ATP11C: variants seen among roughly 807,000 people sequenced by gnomAD.
ATP11C encodes the protein phospholipid-transporting ATPase IG.
ATP11C carries 36 observed loss-of-function variants against 97.4 expected under a neutral mutation model. The observed-to-expected ratio is 0.37, with a 90% CI of 0.28 to 0.49. The LOEUF (loss-of-function observed/expected upper bound fraction) is 0.49. ATP11C is among the 20% of genes least tolerant of loss of function. The pLI is 0.98. For synonymous variants in ATP11C, 275 were observed against 290.9 expected (o/e 0.95, Z 0.56); for missense variants, 730 against 824.6 (o/e 0.89, Z 1.40).
intron 1 of ATP11C, among the ~76,000 whole-genome samples, chrX:139,868,106 G>A (rs975481919): frequency 8.9e-6 from 1 of 111,863 alleles, no homozygotes; most frequent in Non-Finnish European, 1.9e-5. Context: ...ACATCCAAAG[G>A]AGTGAAACTG....
At chrX:139,789,117 C>T (rs2082637102) in intron 13 of ATP11C, among the ~76,000 whole-genome samples, 1 of 109,438 alleles carries the variant, frequency 9.1e-6, no homozygotes, top group African/African-American at 3.3e-5. Flanking sequence ...GCAGGAGAAT[C>T]GCTTGAACCT....
intron 1 of ATP11C, among the ~76,000 whole-genome samples, chrX:139,854,812 T>A (rs1376962073): frequency 8.9e-6 from 1 of 112,173 alleles, no homozygotes; most frequent in Non-Finnish European, 1.9e-5. Context: ...AAATTTGTTT[T>A]GAAGGTTTAA....
At chrX:139,758,614 A>G (rs1490552019) in intron 22 of ATP11C, among the ~76,000 whole-genome samples, 1 of 112,192 alleles carries the variant, frequency 8.9e-6, no homozygotes, top group Non-Finnish European at 1.9e-5. Flanking sequence ...ATAAGGTAGT[A>G]AAAGCTACTA....
intron 1 of ATP11C, among the ~76,000 whole-genome samples, chrX:139,910,361 C>T (rs1359933151): frequency 9.0e-6 from 1 of 110,889 alleles, no homozygotes; most frequent in Non-Finnish European, 1.9e-5. Flanking sequence ...AATCCCAGCA[C>T]TTTGGGAGGC....
intron 1 of ATP11C, among the ~76,000 whole-genome samples, chrX:139,837,477 G>A (rs1338187406): frequency 4.5e-5 from 5 of 112,302 alleles, no homozygotes; most frequent in Non-Finnish European, 9.4e-5. Flanking sequence ...TGACTGCAAT[G>A]CATTTCACTC....
intron 1 of ATP11C, among the ~76,000 whole-genome samples, chrX:139,860,564 T>C (rs2084171271): frequency 8.9e-6 from 1 of 111,942 alleles, no homozygotes; most frequent in Non-Finnish European, 1.9e-5. Flanking sequence ...ACACCTGTAA[T>C]CCCAGCACTT....
At chrX:139,813,992 T>C (rs1276606480) in intron 5 of ATP11C, among the ~76,000 whole-genome samples, 16 of 111,499 alleles carry the variant, frequency 1.4e-4, no homozygotes, top group Non-Finnish European at 1.9e-5. Flanking sequence ...TGTACCATTC[T>C]GGTGTGGGAT....
intron 1 of ATP11C, among the ~76,000 whole-genome samples, chrX:139,871,122 G>C (rs1416098506): frequency 9.3e-6 from 1 of 107,592 alleles, no homozygotes; most frequent in Admixed American, 1.0e-4. Context: ...TGTGTACTTA[G>C]ACTGACATAA....
chrX:139,885,233 G>C (rs1310827596), intron 1 of ATP11C, among the ~76,000 whole-genome samples: 1 of 110,409 alleles, frequency 9.1e-6, no homozygotes, highest in East Asian at 2.8e-4. Flanking sequence ...ATACCATACA[G>C]TGAGCTAATA....
intron 5 of ATP11C, among the ~76,000 whole-genome samples, chrX:139,806,086 A>G (rs1473365309): frequency 1.8e-5 from 2 of 111,687 alleles, no homozygotes; most frequent in East Asian, 2.8e-4. Flanking sequence ...AATAAAACAC[A>G]CAAAGAGAGC....
At chrX:139,898,575 A>C (rs2084847233) in intron 1 of ATP11C, among the ~76,000 whole-genome samples, 1 of 111,213 alleles carries the variant, frequency 9.0e-6, no homozygotes, top group African/African-American at 3.3e-5. Flanking sequence ...AGATGTGGGC[A>C]ACAGGTGGAC....
At chrX:139,865,719 C>A (rs2084271199) in intron 1 of ATP11C, among the ~76,000 whole-genome samples, 1 of 111,251 alleles carries the variant, frequency 9.0e-6, no homozygotes, top group Non-Finnish European at 1.9e-5. Context: ...AAAGATCGTG[C>A]CACTGCACTC....
intron 1 of ATP11C, among the ~76,000 whole-genome samples, chrX:139,914,751 A>G (rs931201098): frequency 9.0e-6 from 1 of 111,182 alleles, no homozygotes; most frequent in African/African-American, 3.3e-5. Flanking sequence ...TCTTGAACCT[A>G]CCAGTCTTCA....
chrX:139,866,426 A>T (rs984059340), intron 1 of ATP11C, among the ~76,000 whole-genome samples: 3 of 108,489 alleles, frequency 2.8e-5, no homozygotes, highest in African/African-American at 3.4e-5. Context: ...ACAGATAAAA[A>T]GCTTCAGGAA....
intron 20 of ATP11C, among the ~76,000 whole-genome samples, chrX:139,765,583 T>C (rs2082120258): frequency 8.9e-6 from 1 of 111,824 alleles, no homozygotes; most frequent in Admixed American, 9.5e-5. Context: ...AAGACTCGCA[T>C]AGATGAGAAA....
chrX:139,936,901 C>CA (rs2085516753), upstream of ATP11C, among the ~76,000 whole-genome samples: 1 of 110,043 alleles, frequency 9.1e-6, no homozygotes, highest in Non-Finnish European at 1.9e-5. Context: ...CATCTAATAC[C>CA]AAAAAAAGAA....
chrX:139,813,973 T>A (rs1030389313), intron 5 of ATP11C, among the ~76,000 whole-genome samples: 1 of 111,555 alleles, frequency 9.0e-6, no homozygotes, highest in African/African-American at 3.3e-5. Flanking sequence ...GTTCACTGAT[T>A]GTAACAAATG....
At position 139,869,775 on chromosome X, in the gene ATP11C, C is replaced by T. The variant is rs988661619; in HGVS notation, c.28-42952G>A. On this transcript the variant is annotated intron_variant, in intron 1 of 29. Coordinates refer to ENST00000682941, the MANE Select transcript of ATP11C (RefSeq NM_001353812.2). The stretch of plus-strand genomic sequence containing the variant: ...TGCTACTGCACTTTAGCCTGGGCGA[C>T]AGAGAAACACTCTGTCTCAAAATAA... 4.2e-5 allele frequency among the ~76,000 whole-genome samples: 4 copies of T among 95,968 alleles called. No individual in the cohort carries two copies. The East Asian group carries it at 1.3e-3, about 30-fold the overall frequency. The allele number at this position is 95,968 out of a possible 115,157, so 83.3% of individuals were successfully genotyped here. A position where few individuals can be genotyped will look rare whatever the true frequency, so the allele number is the denominator to read the frequency against.
chrX:139,898,618 A>C (rs1331417766), intron 1 of ATP11C, among the ~76,000 whole-genome samples: 2 of 111,353 alleles, frequency 1.8e-5, no homozygotes, highest in East Asian at 5.6e-4. Flanking sequence ...GTTAGGTTCC[A>C]ACTAAGTGCT....
Sources: gnomAD v4.1 joint callset for allele counts (sites outside exome capture counted in the v4.1 genomes callset) on GRCh38, gnomAD v4.1.1 for gene constraint, MANE v1.5 for transcripts, NCBI Gene and HGNC (gene_info 2026-07-23, HGNC 2026-07-21) for gene names.